The following ABCC2 variants were observed in gnomAD, a reference collection of about 807,000 sequenced individuals.
The protein encoded by ABCC2 is ATP binding cassette subfamily C member 2.
Under a neutral mutation model 173.4 loss-of-function variants are expected in ABCC2, and 157 were observed. The ratio of observed to expected loss-of-function variants is 0.91; its 90% CI spans 0.80 to 1.03. The LOEUF is 1.03. Among genes scored for constraint, ABCC2 ranks in the 50% least tolerant of loss-of-function variants. The pLI, the probability that ABCC2 is intolerant of heterozygous loss-of-function variation, is 0.00. For synonymous variants in ABCC2, 657 were observed against 693.5 expected, an observed-to-expected ratio of 0.95 and a Z score of 0.83; for missense variants, 1,822 against 1,852.3, an observed-to-expected ratio of 0.98 and a Z score of 0.30.
intron 21 of ABCC2, 36 bp downstream of exon 21, chr10:99,830,887 T>TA: frequency 1.2e-6 from 2 of 1,612,992 alleles, no homozygotes; most frequent in Non-Finnish European, 1.7e-6. Context: ...TTTGAGGTGT[T>TA]ATAAGGTTTA....
chr10:99,814,109 A>ATG lies in ABCC2; in HGVS notation c.2094+969_2094+970dup, dbSNP rs1554850424. Among the ~76,000 whole-genome samples the ATG allele has an allele frequency of 7.8e-5, 11 of 141,644 alleles. 1 individual carries two copies. The highest frequency in any genetic ancestry group is 1.6e-4 in the Non-Finnish European group (10 of 64,324). 92.9% of individuals were successfully genotyped at this position (141,644 alleles called of 152,430 possible). A position where few individuals can be genotyped will look rare whatever the true frequency, so the allele number is the denominator to read the frequency against. On this transcript the variant is annotated intron_variant, in intron 16 of 31. Transcript: ENST00000647814. Reference sequence around the variant, plus strand: ...TATATACACATATATATACACACATATGTGTATATACACACATATGTGTGT... The same window carrying ATG: ...TATATACACATATATATACACACATATGTGTGTATATACACACATATGTGTGT...
In ABCC2 at chr10:99,851,631, G is replaced by A. The variant is rs1404760938; in HGVS notation, c.4638G>A (p.Ter1546=). The change falls in exon 32 of 32, where the codon TAG becomes TAA. Residue 1546 remains the stop codon, a stop_retained_variant. Transcript: ENST00000647814. The part of the protein sequence containing the change: ...GIENVNSTKF[*] ...AGAATGTGAACAGCACAAAATTCTAGCAGAAGGCCCCATGGGTTAGAAAAG... is the reference window on the plus strand; with the variant it reads ...AGAATGTGAACAGCACAAAATTCTAACAGAAGGCCCCATGGGTTAGAAAAG... The A allele has an allele frequency of 1.2e-6, 2 of 1,614,030 alleles. No individual in the cohort carries two copies. The highest frequency in any genetic ancestry group is 1.7e-5 in the Admixed American group (1 of 60,028).
intron 15 of ABCC2, 81 bp from the exon 16 acceptor site, chr10:99,812,937 T>A (rs753252374): frequency 3.8e-6 from 6 of 1,566,832 alleles, no homozygotes; most frequent in Non-Finnish European, 5.3e-6. Context: ...CCAGACTTCA[T>A]GGAGACTCAG....
chr10:99,811,282 AT>A (rs2038208096), intron 14 of ABCC2, among the ~76,000 whole-genome samples: 1 of 151,794 alleles, frequency 6.6e-6, no homozygotes, highest in Admixed American at 6.6e-5. Flanking sequence ...GTCAGCCAAG[AT>A]TGCACCACTG....
intron 19 of ABCC2, among the ~76,000 whole-genome samples, chr10:99,828,330 C>T (rs1442493418): frequency 6.6e-6 from 1 of 151,924 alleles, no homozygotes; most frequent in Non-Finnish European, 1.5e-5. Context: ...GGATCTGGGA[C>T]TTGGTGGAAT....
chr10:99,794,523 A>C (rs542799103), intron 6 of ABCC2, 55 bp downstream of exon 6: 40 of 1,480,520 alleles, frequency 2.7e-5, no homozygotes, highest in Admixed American at 1.8e-4. Flanking sequence ...ACTCCTCTGA[A>C]AGTGTCAGAA....
At chr10:99,847,688 A>C (rs1190783119) in intron 30 of ABCC2, among the ~76,000 whole-genome samples, 2 of 152,052 alleles carry the variant, frequency 1.3e-5, no homozygotes, top group Admixed American at 6.5e-5. Flanking sequence ...TGGGAGGCTG[A>C]GGCCGGTGGA....
chr10:99,782,741 T>C lies in ABCC2; in HGVS notation c.-104T>C. The C allele has an allele frequency of 7.7e-7, 1 of 1,297,792 alleles. No individual in the cohort carries two copies. Among genetic ancestry groups the C allele is most frequent in the Non-Finnish European group, 1.1e-6 (1 of 896,982 alleles). The allele number at this position is 1,297,792 out of a possible 1,614,324, so 80.4% of individuals were successfully genotyped here. ...TCATCCTTTACGGAGAACATCAGAATGGTAGATAATTCCTGTTCCACTTTC... is the reference window on the plus strand; with the variant it reads ...TCATCCTTTACGGAGAACATCAGAACGGTAGATAATTCCTGTTCCACTTTC... On this transcript the variant is annotated 5_prime_UTR_variant, in exon 1 of 32. The change abolishes an upstream ATG in the 5' untranslated region. Transcript: ENST00000647814.
At chr10:99,796,662 G>A (rs2037917371) in intron 6 of ABCC2, among the ~76,000 whole-genome samples, 1 of 152,064 alleles carries the variant, frequency 6.6e-6, no homozygotes, top group Non-Finnish European at 1.5e-5. Flanking sequence ...TCCAGCCTGG[G>A]CAACAGAGTA....
chr10:99,845,736 C>T lies in ABCC2; in HGVS notation c.4100C>T (p.Ser1367Phe). The T allele has an allele frequency of 3.7e-6, 6 of 1,613,146 alleles. No homozygotes were observed. The highest frequency in any genetic ancestry group is 5.1e-6 in the Non-Finnish European group (6 of 1,179,788). Residue 1367 changes from serine to phenylalanine, a missense_variant, in exon 29 of 32, where the codon TCC (serine) becomes TTC (phenylalanine). By Grantham distance (155) the Ser-to-Phe change is radical. Coordinates refer to ENST00000647814, the MANE Select transcript of ABCC2 (RefSeq NM_000392.5). The part of the protein sequence containing the change: ...QIIIDGVDIA[S>F]IGLHDLREKL... ...ATCATTGATGGAGTAGATATTGCTT[C>T]CATTGGGCTCCACGACCTCCGAGAG...
At chr10:99,817,086 T>C (rs2038432026) in intron 16 of ABCC2, among the ~76,000 whole-genome samples, 1 of 152,196 alleles carries the variant, frequency 6.6e-6, no homozygotes, top group African/African-American at 2.4e-5. Flanking sequence ...AAAACGATAG[T>C]CCAACAAAAG....
chr10:99,808,272 A>G lies in ABCC2; in HGVS notation c.1815+43A>G, dbSNP rs186932281. The G allele has an allele frequency of 3.7e-6, 6 of 1,610,758 alleles. No homozygotes were observed. The African/African-American group carries it at 6.7e-5, about 18-fold the overall frequency. ...CTGCTAACTCCCTGTCTCTGGTTAAAAGCCTTGGAGTCCAGAATGACTGGC... is the reference window on the plus strand; with the variant it reads ...CTGCTAACTCCCTGTCTCTGGTTAAGAGCCTTGGAGTCCAGAATGACTGGC... On this transcript the variant is annotated intron_variant, in intron 13 of 31. Transcript: ENST00000647814.
At chr10:99,804,766 G>A (rs1348911871) in intron 10 of ABCC2, among the ~76,000 whole-genome samples, 1 of 152,182 alleles carries the variant, frequency 6.6e-6, no homozygotes, top group Non-Finnish European at 1.5e-5. Flanking sequence ...CAGTGTATAT[G>A]ATTTATTCAC....
Position 99,807,399 on chromosome 10 carries a change from G to C in ABCC2, c.1546G>C (p.Ala516Pro). 6.2e-7 allele frequency: 1 copy of C among 1,613,956 alleles called. No individual in the cohort carries two copies. Among genetic ancestry groups the C allele is most frequent in the Non-Finnish European group, 8.5e-7 (1 of 1,179,948 alleles). ...LSGIKILKYF[A>P]WEPSFRDQVQ... is the part of the protein sequence containing the mutation. Reference sequence around the variant, plus strand: ...AACTTATTAGATCCTGAAATATTTTGCCTGGGAACCTTCATTCAGAGACCA... The same window carrying C: ...AACTTATTAGATCCTGAAATATTTTCCCTGGGAACCTTCATTCAGAGACCA... Residue 516 changes from alanine (A) to proline (P), a missense_variant, in exon 12 of 32, where the codon GCC (alanine) becomes CCC (proline). Physicochemically the swap from Ala to Pro is conservative, Grantham distance 27 (BLOSUM62 -1). Transcript: ENST00000647814.
At chr10:99,816,278 T>TGGTTATAA in intron 16 of ABCC2, among the ~76,000 whole-genome samples, 1 of 149,602 alleles carries the variant, frequency 6.7e-6, no homozygotes. Flanking sequence ...CATCTCTGTT[T>TGGTTATAA]TTTGTTTGTT....
At chr10:99,804,354 G>T in intron 10 of ABCC2, 81 bp downstream of exon 10, 2 of 1,586,332 alleles carry the variant, frequency 1.3e-6, no homozygotes, top group South Asian at 1.1e-5. Flanking sequence ...AATTCTTAAT[G>T]GGAGTTTGGG....
Position 99,830,856 on chromosome 10 carries a change from A to C in ABCC2, c.2883+5A>C, listed in dbSNP as rs746829616. 56 of 1,613,714 alleles carry C rather than the reference A, an allele frequency of 3.5e-5. No homozygotes were observed. The highest frequency in any genetic ancestry group is 4.1e-5 in the Non-Finnish European group (48 of 1,179,958). On this transcript the variant is annotated splice_donor_5th_base_variant and intron_variant, in intron 21 of 31. Transcript: ENST00000647814. ...GAATTCATAGAAACTGGAAAGGTGA[A>C]CACCACACAGAAAAGTAGCATTTGA...
At position 99,810,147 on chromosome 10, in the gene ABCC2, C is replaced by T; in HGVS notation, c.1829C>T (p.Thr610Ile). 3 of 1,613,476 alleles carry T rather than the reference C, an allele frequency of 1.9e-6. No individual in the cohort carries two copies. Among genetic ancestry groups the T allele is most frequent in the Non-Finnish European group, 2.5e-6 (3 of 1,179,472 alleles). The stretch of plus-strand genomic sequence containing the variant: ...GTCCTTCTCTAGGCCAGTGTTTCCA[C>T]AGAGCGGCTAGAGAAGTACTTGGGA... The part of the protein sequence containing the change: ...ISSMLQASVS[T>I]ERLEKYLGGD... The change falls in exon 14 of 32, where the codon ACA (threonine) becomes ATA (isoleucine). Residue 610 changes from threonine (T) to isoleucine (I), a missense_variant. Transcript: ENST00000647814.
chr10:99,794,381 G>T, intron 5 of ABCC2, 32 bp from the exon 6 acceptor site: 1 of 1,590,162 alleles, frequency 6.3e-7, no homozygotes, highest in Non-Finnish European at 8.6e-7. Context: ...GTCTCCAATT[G>T]GTTTACATTT....
Sources: gnomAD v4.1 joint callset for allele counts (sites outside exome capture counted in the v4.1 genomes callset) on GRCh38, gnomAD v4.1.1 for gene constraint, MANE v1.5 for transcripts, NCBI Gene and HGNC (gene_info 2026-07-23, HGNC 2026-07-21) for gene names.